Variants in LAMTOR4 observed in about 807,000 individuals in gnomAD.
LAMTOR4 encodes ragulator complex protein LAMTOR4.
In LAMTOR4, 11 loss-of-function variants were observed where a neutral mutation model predicts 13.5. The observed-to-expected ratio is 0.82, with a 90% confidence interval of 0.51 to 1.35. The LOEUF (loss-of-function observed/expected upper bound fraction) is 1.35, where lower values mean the gene tolerates loss of function less well. LAMTOR4 is among the 40% of genes most tolerant of loss of function. The pLI, the probability that LAMTOR4 is intolerant of heterozygous loss-of-function variation, is 0.00. For missense variants in LAMTOR4, 128 were observed against 126.2 expected, an observed-to-expected ratio of 1.01 and a Z score of -0.07; for synonymous variants, 69 against 52.3, an observed-to-expected ratio of 1.32 and a Z score of -1.38.
At chr7:100,153,732 C>A in intron 3 of LAMTOR4, 135 bp from the exon 4 acceptor site, 1 of 772,400 alleles carries the variant, frequency 1.3e-6, no homozygotes, top group Non-Finnish European at 2.3e-6. Flanking sequence ...ATCTCTGAGC[C>A]TGGAACTATA....
chr7:100,152,248 A>G (rs1798726714), intron 2 of LAMTOR4, among the ~76,000 whole-genome samples: 1 of 152,088 alleles, frequency 6.6e-6, no homozygotes, highest in African/African-American at 2.4e-5. Context: ...CATCTCTACA[A>G]AAAATTAGCC....
chr7:100,152,471 T>C (rs887600674), intron 2 of LAMTOR4, among the ~76,000 whole-genome samples: 1 of 151,906 alleles, frequency 6.6e-6, no homozygotes, highest in African/African-American at 2.4e-5. Flanking sequence ...AAGGATAAGG[T>C]GAAATTTGAT....
intron 2 of LAMTOR4, among the ~76,000 whole-genome samples, chr7:100,152,315 T>A (rs775746382): frequency 6.6e-6 from 1 of 152,010 alleles, no homozygotes; most frequent in Non-Finnish European, 1.5e-5. Context: ...GGCAGGAGAA[T>A]TGCTTGAACC....
At chr7:100,151,603 T>C (rs1436303257) in intron 2 of LAMTOR4, among the ~76,000 whole-genome samples, 1 of 151,896 alleles carries the variant, frequency 6.6e-6, no homozygotes, top group Admixed American at 6.6e-5. Flanking sequence ...TTAGCCAGGA[T>C]GGTCTGGATC....
intron 1 of LAMTOR4, 162 bp from the exon 2 acceptor site, chr7:100,149,336 TA>T: frequency 1.5e-6 from 1 of 659,814 alleles, no homozygotes; most frequent in Non-Finnish European, 2.7e-6. Flanking sequence ...GGAAGATCAG[TA>T]TTGAGGACCA....
intron 3 of LAMTOR4, 101 bp downstream of exon 3, chr7:100,153,618 G>A (rs775162710): frequency 3.9e-5 from 42 of 1,070,522 alleles, no homozygotes; most frequent in African/African-American, 6.2e-5. Flanking sequence ...CATCTCCTGG[G>A]GTCTCTGGTC....
Position 100,149,541 on chromosome 7 carries a change from C to A in LAMTOR4, c.46C>A (p.Leu16Ile). The A allele has an allele frequency of 6.2e-7, 1 of 1,614,026 alleles. No homozygotes were observed. The highest frequency in any genetic ancestry group is 2.2e-5 in the East Asian group (1 of 44,874). ...TQGLERIPDQ[L>I]GYLVLSEGAV... ...GGGGCTGGAGCGAATCCCAGACCAG[C>A]TCGGCTACCTGGTACTGAGTGAAGG... The change falls in exon 2 of 4, where the codon CTC (leucine) becomes ATC (isoleucine). Residue 16 changes from leucine to isoleucine, a missense_variant. By Grantham distance (5) the Leu-to-Ile change is conservative. Coordinates refer to ENST00000341942, the MANE Select transcript of LAMTOR4 (RefSeq NM_001008395.4).
In LAMTOR4 at chr7:100,153,933, AG is replaced by A. The variant is rs756919969; in HGVS notation, c.270del (p.Asn91ThrfsTer40). On this transcript the variant is annotated frameshift_variant, in exon 4 of 4. Coordinates refer to ENST00000341942, the MANE Select transcript of LAMTOR4 (RefSeq NM_001008395.4). LOFTEE classifies it high-confidence loss of function. ...SGQRVFVVKR[Q>X]NRGREPIDV ...CAGAGGGTGTTTGTGGTGAAGAGGCAGAACCGAGGTCGGGAGCCCATTGATG... is the reference window on the plus strand; with the variant it reads ...CAGAGGGTGTTTGTGGTGAAGAGGCAAACCGAGGTCGGGAGCCCATTGATG... 1 of 1,594,528 alleles carries A rather than the reference AG, an allele frequency of 6.3e-7. No individual in the cohort carries two copies. The highest frequency in any genetic ancestry group is 1.8e-5 in the Admixed American group (1 of 55,914).
At position 100,150,389 on chromosome 7, in the gene LAMTOR4, C is replaced by T. The variant is rs576262646; in HGVS notation, c.84+810C>T. Among the ~76,000 whole-genome samples, 25 of 152,230 alleles carry T rather than the reference C, an allele frequency of 1.6e-4. No homozygotes were observed. In the South Asian group the frequency reaches 5.0e-3, roughly 30 times the overall value. On this transcript the variant is annotated intron_variant, in intron 2 of 3. Coordinates refer to ENST00000341942, the MANE Select transcript of LAMTOR4 (RefSeq NM_001008395.4). ...ACTTTCCGGGAGGTAGGAATTCAGCCCACCTTAAAGGAGAGTATTTACAGT... is the reference window on the plus strand; with the variant it reads ...ACTTTCCGGGAGGTAGGAATTCAGCTCACCTTAAAGGAGAGTATTTACAGT...
chr7:100,149,658 G>C (rs1432780539), intron 2 of LAMTOR4, 79 bp downstream of exon 2: 54 of 1,104,306 alleles, frequency 4.9e-5, no homozygotes, highest in Non-Finnish European at 6.9e-5. Context: ...TTCTTTTCTC[G>C]GCTTTTATCT....
chr7:100,149,691 A>G, intron 2 of LAMTOR4, 112 bp downstream of exon 2: 3 of 793,498 alleles, frequency 3.8e-6, no homozygotes, highest in Non-Finnish European at 6.5e-6. Flanking sequence ...GGCATCTATT[A>G]GGTTGGTACA....
At chr7:100,153,594 T>C (rs756782291) in intron 3 of LAMTOR4, 77 bp downstream of exon 3, 7 of 1,278,754 alleles carry the variant, frequency 5.5e-6, no homozygotes, top group South Asian at 3.5e-5. Context: ...GCTTCTCTTC[T>C]TCCAGCCTCC....
chr7:100,154,011 T>G lies in LAMTOR4; in HGVS notation c.*47T>G. On this transcript the variant is annotated 3_prime_UTR_variant, in exon 4 of 4. Transcript: ENST00000341942. ...GGAGAAGCGGATTGGGTCCTGGGCCTCTGTGATGAGGCAGGCACACCTGTC... is the reference window on the plus strand; with the variant it reads ...GGAGAAGCGGATTGGGTCCTGGGCCGCTGTGATGAGGCAGGCACACCTGTC... 1 of 1,426,488 alleles carries G rather than the reference T, an allele frequency of 7.0e-7. No individual in the cohort carries two copies. The highest frequency in any genetic ancestry group is 9.7e-7 in the Non-Finnish European group (1 of 1,032,092). The allele number at this position is 1,426,488 out of a possible 1,614,324, so 88.4% of individuals were successfully genotyped here.
Position 100,154,096 on chromosome 7 carries a change from G to C in LAMTOR4, c.*132G>C. The C allele has an allele frequency of 1.4e-6, 1 of 702,738 alleles. No homozygotes were observed. The allele number at this position is 702,738 out of a possible 1,614,324, so 43.5% of individuals were successfully genotyped here. A position where few individuals can be genotyped will look rare whatever the true frequency, so the allele number is the denominator to read the frequency against. On this transcript the variant is annotated 3_prime_UTR_variant, in exon 4 of 4. Transcript: ENST00000341942. Reference sequence around the variant, plus strand: ...CTCGCCCACCTCCCACCCCTACCTGGACGGGCCCAGGCTTGGGGACTCTGA... The same window carrying C: ...CTCGCCCACCTCCCACCCCTACCTGCACGGGCCCAGGCTTGGGGACTCTGA...
intron 2 of LAMTOR4, 121 bp from the exon 3 acceptor site, chr7:100,153,279 G>T: frequency 1.4e-6 from 1 of 711,038 alleles, no homozygotes; most frequent in Non-Finnish European, 2.4e-6. Context: ...CCAAAGCTGA[G>T]GGTACTGGCA....
chr7:100,149,117 G>A (rs1263753245), intron 1 of LAMTOR4, 142 bp downstream of exon 1: 9 of 1,110,178 alleles, frequency 8.1e-6, no homozygotes, highest in African/African-American at 3.1e-5. Flanking sequence ...GGAAATGGGA[G>A]GGATGGCGAC....
At chr7:100,149,836 T>G in intron 2 of LAMTOR4, 1 of 338,522 alleles carries the variant, frequency 3.0e-6, no homozygotes, top group Non-Finnish European at 5.7e-6. Flanking sequence ...AGTGCAGTGG[T>G]GCGACCTCGG....
chr7:100,149,504 T>C lies in LAMTOR4; in HGVS notation c.9T>C (p.Ser3=). 6.2e-7 allele frequency: 1 copy of C among 1,612,712 alleles called. No homozygotes were observed. The highest frequency in any genetic ancestry group is 8.5e-7 in the Non-Finnish European group (1 of 1,178,754). The part of the protein sequence containing the change: MT[S]ALTQGLERIP... Reference sequence around the variant, plus strand: ...CTTGCATCTTTACCCACTAGACTTCTGCGCTGACCCAGGGGCTGGAGCGAA... The same window carrying C: ...CTTGCATCTTTACCCACTAGACTTCCGCGCTGACCCAGGGGCTGGAGCGAA... The change falls in exon 2 of 4, where the codon TCT becomes TCC. Residue 3 remains serine, a synonymous_variant. Transcript: ENST00000341942.
At chr7:100,153,789 C>G in intron 3 of LAMTOR4, 78 bp from the exon 4 acceptor site, 3 of 1,022,860 alleles carry the variant, frequency 2.9e-6, no homozygotes, top group East Asian at 2.6e-5. Flanking sequence ...TGGCCCCGCC[C>G]CATGGAGTCT....
Sources: allele counts gnomAD v4.1 joint callset (sites outside exome capture counted in the v4.1 genomes callset), GRCh38; gene constraint gnomAD v4.1.1; transcripts MANE v1.5; gene names NCBI Gene and HGNC (gene_info 2026-07-23, HGNC 2026-07-21).